The following REPS1 variants were observed in gnomAD, a reference collection of about 807,000 sequenced individuals.
REPS1 encodes the protein RALBP1 associated Eps domain containing 1.
REPS1 carries 39 observed loss-of-function variants against 100.9 expected under a neutral mutation model. The ratio of observed to expected loss-of-function variants is 0.39; its 90% CI spans 0.30 to 0.50. The LOEUF is 0.50. Ranked by LOEUF, REPS1 falls within the 20% of genes least tolerant of loss-of-function variation. The pLI, the probability that REPS1 is intolerant of heterozygous loss-of-function variation, is 0.86. For synonymous variants in REPS1, 324 were observed against 340.3 expected, an observed-to-expected ratio of 0.95 and a Z score of 0.53; for missense variants, 821 against 968.5, an observed-to-expected ratio of 0.85 and a Z score of 2.02.
At chr6:138,955,457 A>AGTGTATGTGTGTGT (rs1783320659) in intron 1 of REPS1, among the ~76,000 whole-genome samples, 1 of 90,720 alleles carries the variant, frequency 1.1e-5, no homozygotes, top group African/African-American at 5.2e-5. Flanking sequence ...AAAAAAAAAA[A>AGTGTATGTGTGTGT]GTGTGTGTGT....
At chr6:138,919,482 A>G (rs780530810) in intron 12 of REPS1, among the ~76,000 whole-genome samples, 26 of 152,234 alleles carry the variant, frequency 1.7e-4, no homozygotes, top group Non-Finnish European at 2.8e-4. Flanking sequence ...TAAGTCAAAG[A>G]AAGTCTGACA....
At chr6:138,987,429 C>G (rs1036914962) in intron 1 of REPS1, 101 bp downstream of exon 1, 2 of 1,261,250 alleles carry the variant, frequency 1.6e-6, no homozygotes, top group East Asian at 2.9e-5. Flanking sequence ...CCCGAGGAAC[C>G]AGCCCCCCGC....
At chr6:138,986,961 C>T (rs1462557670) in intron 1 of REPS1, among the ~76,000 whole-genome samples, 2 of 152,160 alleles carry the variant, frequency 1.3e-5, no homozygotes, top group Non-Finnish European at 1.5e-5. Flanking sequence ...CACATACACA[C>T]GTTCTACAGA....
At chr6:138,908,908 G>A in intron 17 of REPS1, 92 bp from the exon 18 acceptor site, 1 of 1,207,986 alleles carries the variant, frequency 8.3e-7, no homozygotes, top group Non-Finnish European at 1.1e-6. Context: ...TAAGCCATTT[G>A]CTCTTGGAAA....
At chr6:138,944,723 C>A in intron 4 of REPS1, 101 bp from the exon 5 acceptor site, 1 of 1,140,770 alleles carries the variant, frequency 8.8e-7, no homozygotes, top group South Asian at 1.7e-5. Flanking sequence ...TAACAATTTC[C>A]AAAATGGAAT....
At chr6:138,920,601 AAAGT>A (rs1389339102) in intron 11 of REPS1, among the ~76,000 whole-genome samples, 5 of 152,244 alleles carry the variant, frequency 3.3e-5, no homozygotes, top group Non-Finnish European at 7.3e-5. Context: ...TGTAAACTGT[AAAGT>A]AAGTTAATTT....
At chr6:138,951,849 G>C (rs1238252173) in intron 1 of REPS1, among the ~76,000 whole-genome samples, 3 of 152,140 alleles carry the variant, frequency 2.0e-5, no homozygotes, top group African/African-American at 7.2e-5. Flanking sequence ...ATCATTCAAA[G>C]CAGCCTCATT....
At chr6:138,953,433 A>C (rs534938085) in intron 1 of REPS1, among the ~76,000 whole-genome samples, 2 of 152,214 alleles carry the variant, frequency 1.3e-5, no homozygotes, top group Non-Finnish European at 2.9e-5. Context: ...AATATCTGGA[A>C]ACTAACCATC....
intron 1 of REPS1, among the ~76,000 whole-genome samples, chr6:138,955,473 T>A (rs1304172964): frequency 6.8e-6 from 1 of 147,996 alleles, no homozygotes; most frequent in East Asian, 2.0e-4. Context: ...TGTGTGTGTG[T>A]GTGTGTGTGT....
chr6:138,914,291 TG>T (rs1195262591), intron 15 of REPS1, among the ~76,000 whole-genome samples: 1 of 152,166 alleles, frequency 6.6e-6, no homozygotes. Context: ...CAGGCTGGTC[TG>T]GAACTCCTGG....
At chr6:138,912,549 G>A in intron 16 of REPS1, 2 of 564,066 alleles carry the variant, frequency 3.5e-6, no homozygotes, top group South Asian at 4.2e-5. Context: ...TGGTGTCTTT[G>A]CATGTGATAT....
At chr6:138,913,245 C>A (rs190075203) in intron 15 of REPS1, among the ~76,000 whole-genome samples, 1 of 152,096 alleles carries the variant, frequency 6.6e-6, no homozygotes, top group East Asian at 1.9e-4. Context: ...TCTGGCCCTA[C>A]CCCCATTCTC....
intron 1 of REPS1, among the ~76,000 whole-genome samples, chr6:138,984,106 G>A (rs1377143420): frequency 4.3e-5 from 6 of 138,646 alleles, no homozygotes; most frequent in East Asian, 4.2e-4. Context: ...TTGAGACAGC[G>A]TCTTGCTCTG....
At chr6:138,913,026 C>T (rs1188862) in intron 15 of REPS1, 76 bp from the exon 16 acceptor site, 778,059 of 1,265,062 alleles carry the variant, frequency 0.62, 243,064 homozygotes, top group Non-Finnish European at 0.65. Context: ...TCTTCTTCTT[C>T]GAAAACTTAG....
intron 1 of REPS1, among the ~76,000 whole-genome samples, chr6:138,951,636 T>TAATACTTTAAATAGATTAGGAA (rs1305979436): frequency 6.6e-6 from 1 of 152,216 alleles, no homozygotes; most frequent in Non-Finnish European, 1.5e-5. Flanking sequence ...CTCTGCTCTG[T>TAATACTTTAAATAGATTAGGAA]AATACTTTAA....
At chr6:138,936,441 TTG>T (rs1781843067) in intron 8 of REPS1, among the ~76,000 whole-genome samples, 1 of 152,126 alleles carries the variant, frequency 6.6e-6, no homozygotes, top group African/African-American at 2.4e-5. Flanking sequence ...GTCAATGTCT[TTG>T]TCAGGATTTG....
At chr6:138,946,140 A>G (rs956301719) in intron 2 of REPS1, among the ~76,000 whole-genome samples, 1 of 152,198 alleles carries the variant, frequency 6.6e-6, no homozygotes, top group East Asian at 1.9e-4. Flanking sequence ...TTCTACTCAC[A>G]CCGGGTCTTT....
At chr6:138,936,578 A>T (rs928130114) in intron 8 of REPS1, among the ~76,000 whole-genome samples, 3 of 117,692 alleles carry the variant, frequency 2.5e-5, no homozygotes, top group African/African-American at 9.9e-5. Flanking sequence ...CGACAGAGAG[A>T]GACGGCAGGG....
In REPS1 at chr6:138,969,269, A is replaced by ATTTTT. The variant is rs71013004; in HGVS notation, c.153+18256_153+18260dup. ...ACACAATCTATGATACAAAGCTGTA[A>ATTTTT]TTTTTTTTTTTTTTTTTTTTTTTTT... On this transcript the variant is annotated intron_variant, in intron 1 of 19. Coordinates refer to ENST00000450536, the MANE Select transcript of REPS1 (RefSeq NM_001286611.2). 5.1e-3 allele frequency among the ~76,000 whole-genome samples: 378 copies of ATTTTT among 74,212 alleles called. 48 individuals are homozygous for ATTTTT. The highest frequency in any genetic ancestry group is 0.016 in the African/African-American group (343 of 20,860). The allele number at this position is 74,212 out of a possible 152,430, so 48.7% of individuals were successfully genotyped here.
Sources: allele counts gnomAD v4.1 joint callset (sites outside exome capture counted in the v4.1 genomes callset), GRCh38; gene constraint gnomAD v4.1.1; transcripts MANE v1.5; gene names NCBI Gene and HGNC (gene_info 2026-07-23, HGNC 2026-07-21).